The following CWC27 variants were observed in gnomAD, a reference collection of about 807,000 sequenced individuals.
CWC27 encodes spliceosome-associated protein CWC27 homolog.
A neutral mutation model predicts 63.6 loss-of-function variants in CWC27; 47 were observed. That is an observed-to-expected ratio of 0.74 (90% CI 0.58 to 0.94). The LOEUF (loss-of-function observed/expected upper bound fraction) is 0.94, where lower values mean the gene tolerates loss of function less well. Among genes scored for constraint, CWC27 ranks in the 40% least tolerant of loss-of-function variants. The pLI is 0.00. For synonymous variants in CWC27, 175 were observed against 179.8 expected, an observed-to-expected ratio of 0.97 and a Z score of 0.22; for missense variants, 495 against 554.3, an observed-to-expected ratio of 0.89 and a Z score of 1.07.
chr5:64,907,824 A>C (rs974736431), intron 11 of CWC27, among the ~76,000 whole-genome samples: 2 of 151,530 alleles, frequency 1.3e-5, no homozygotes, highest in African/African-American at 2.4e-5. Context: ...TATTATTTTG[A>C]AATATGTCCC....
intron 12 of CWC27, among the ~76,000 whole-genome samples, chr5:64,973,526 A>G (rs1749164421): frequency 6.6e-6 from 1 of 152,232 alleles, no homozygotes; most frequent in South Asian, 2.1e-4. Flanking sequence ...GAAAAGCCAT[A>G]ACTGAATAAT....
intron 10 of CWC27, among the ~76,000 whole-genome samples, chr5:64,811,456 A>G (rs957959718): frequency 2.6e-5 from 4 of 152,074 alleles, no homozygotes; most frequent in Non-Finnish European, 5.9e-5. Flanking sequence ...TTGTGATTCT[A>G]AATTTTTATT....
At chr5:65,005,124 G>A (rs76208888) in intron 13 of CWC27, among the ~76,000 whole-genome samples, 1,539 of 151,786 alleles carry the variant, frequency 0.01, 29 homozygotes, top group African/African-American at 0.035. Flanking sequence ...TGATCCATGG[G>A]TACCAGTACT....
At chr5:64,786,964 A>C (rs901828267) in intron 6 of CWC27, among the ~76,000 whole-genome samples, 7 of 152,192 alleles carry the variant, frequency 4.6e-5, no homozygotes, top group Admixed American at 4.6e-4. Flanking sequence ...AGGAAGCTTC[A>C]ATCGTGGAGG....
chr5:64,826,486 T>A (rs757550327), intron 10 of CWC27, among the ~76,000 whole-genome samples: 2 of 152,170 alleles, frequency 1.3e-5, no homozygotes, highest in African/African-American at 2.4e-5. Flanking sequence ...GTTTGGAATG[T>A]CCTCTAAATG....
At chr5:64,967,064 T>C (rs1280124071) in intron 11 of CWC27, among the ~76,000 whole-genome samples, 3 of 152,076 alleles carry the variant, frequency 2.0e-5, no homozygotes, top group Non-Finnish European at 2.9e-5. Flanking sequence ...CTCCATTCTA[T>C]GAAAACTGCT....
intron 10 of CWC27, among the ~76,000 whole-genome samples, chr5:64,870,755 C>T (rs1746651442): frequency 6.6e-6 from 1 of 152,052 alleles, no homozygotes; most frequent in Non-Finnish European, 1.5e-5. Flanking sequence ...TGTGATATTG[C>T]ATTCTACAGA....
chr5:64,824,571 A>G (rs1745303653), intron 10 of CWC27, among the ~76,000 whole-genome samples: 1 of 152,020 alleles, frequency 6.6e-6, no homozygotes, highest in African/African-American at 2.4e-5. Context: ...GCTGAAATCT[A>G]GCTGGGGCTC....
At position 64,971,870 on chromosome 5, in the gene CWC27, GT is replaced by G. The variant is rs1749132706; in HGVS notation, c.1152+61del. ...TATTGTCTTTTTATTGTTTTTAAGT[GT>G]TTCTAAATGGAGCCTAATTTGATTA... On this transcript the variant is annotated intron_variant, in intron 12 of 13. Transcript: ENST00000381070. 8.4e-6 allele frequency: 9 copies of G among 1,070,180 alleles called. No homozygotes were observed. The South Asian group carries it at 1.3e-4, about 16-fold the overall frequency. 66.3% of individuals were successfully genotyped at this position (1,070,180 alleles called of 1,614,324 possible). A position where few individuals can be genotyped will look rare whatever the true frequency, so the allele number is the denominator to read the frequency against.
chr5:64,855,738 A>G (rs1051703011), intron 10 of CWC27, among the ~76,000 whole-genome samples: 6 of 152,144 alleles, frequency 3.9e-5, no homozygotes, highest in African/African-American at 1.4e-4. Flanking sequence ...CTACAGAAAA[A>G]CTCTTCAGGT....
chr5:64,807,361 T>G (rs1387144104), intron 10 of CWC27, among the ~76,000 whole-genome samples: 1 of 152,208 alleles, frequency 6.6e-6, no homozygotes, highest in Non-Finnish European at 1.5e-5. Flanking sequence ...GGAATGATAT[T>G]TAACAGAATA....
At chr5:64,975,865 G>A in intron 12 of CWC27, among the ~76,000 whole-genome samples, 1 of 152,038 alleles carries the variant, frequency 6.6e-6, no homozygotes, top group Non-Finnish European at 1.5e-5. Flanking sequence ...AGGAATTGGA[G>A]ACCGGCCTGG....
intron 7 of CWC27, among the ~76,000 whole-genome samples, chr5:64,791,964 C>T (rs928574410): frequency 3.3e-5 from 5 of 152,100 alleles, no homozygotes; most frequent in Non-Finnish European, 7.4e-5. Context: ...GTTCAGCCTT[C>T]ATTATCTCTA....
chr5:64,923,326 T>C (rs1436635561), intron 11 of CWC27, among the ~76,000 whole-genome samples: 1 of 151,992 alleles, frequency 6.6e-6, no homozygotes, highest in Non-Finnish European at 1.5e-5. Flanking sequence ...GATGTACAGA[T>C]CAGACCTGTC....
chr5:64,803,940 C>T (rs114771752), intron 9 of CWC27, among the ~76,000 whole-genome samples: 1,684 of 152,028 alleles, frequency 0.011, 30 homozygotes, highest in African/African-American at 0.038. Context: ...CAGAATAGCC[C>T]GAGTGACACA....
chr5:64,801,349 G>T lies in CWC27; in HGVS notation c.780+17G>T, dbSNP rs551752076. 10 of 1,356,236 alleles carry T rather than the reference G, an allele frequency of 7.4e-6. No homozygotes were observed. The highest frequency in any genetic ancestry group is 6.2e-5 in the African/African-American group (4 of 64,144). The allele number at this position is 1,356,236 out of a possible 1,614,324, so 84.0% of individuals were successfully genotyped here. On this transcript the variant is annotated intron_variant, in intron 9 of 13. Transcript: ENST00000381070. The stretch of plus-strand genomic sequence containing the variant: ...TTAGTTGATGTAAGTATTTATTTTG[G>T]TATTAATATAGTTTGAACAATTCAT...
chr5:64,804,408 A>G, intron 10 of CWC27, 22 bp downstream of exon 10: 7 of 1,557,666 alleles, frequency 4.5e-6, no homozygotes, highest in Non-Finnish European at 6.1e-6. Context: ...ACTGTGCTAG[A>G]TATCAGAGTT....
intron 11 of CWC27, among the ~76,000 whole-genome samples, chr5:64,901,174 T>C (rs11740610): frequency 0.29 from 44,621 of 152,034 alleles, 8,067 homozygotes; most frequent in Middle Eastern, 0.47. Flanking sequence ...TTGCAGGCGA[T>C]TGTAATACAC....
chr5:64,974,064 C>T (rs113912335), intron 12 of CWC27, among the ~76,000 whole-genome samples: 1,551 of 150,064 alleles, frequency 0.01, 17 homozygotes, highest in Middle Eastern at 0.041. Flanking sequence ...GGGAGACCCC[C>T]ATCTCTACAG....
Sources: allele counts gnomAD v4.1 joint callset (sites outside exome capture counted in the v4.1 genomes callset), GRCh38; gene constraint gnomAD v4.1.1; transcripts MANE v1.5; gene names NCBI Gene and HGNC (gene_info 2026-07-23, HGNC 2026-07-21).